Variants in NPSR1 observed in about 807,000 individuals in gnomAD.
NPSR1 encodes neuropeptide S receptor.
NPSR1 carries 48 observed loss-of-function variants against 46.9 expected under a neutral mutation model. That is an observed-to-expected ratio of 1.02 (90% CI 0.81 to 1.30). The LOEUF (loss-of-function observed/expected upper bound fraction) is 1.30, where lower values mean the gene tolerates loss of function less well. Ranked by LOEUF, NPSR1 falls within the 50% of genes most tolerant of loss-of-function variation. NPSR1 has a pLI of 0.00. For synonymous variants in NPSR1, 176 were observed against 168.1 expected, an observed-to-expected ratio of 1.05 and a Z score of -0.36; for missense variants, 450 against 449.5, an observed-to-expected ratio of 1.00 and a Z score of -0.01.
intron 1 of NPSR1, among the ~76,000 whole-genome samples, chr7:34,664,621 A>ATTTTTTT (rs1554302146): frequency 6.0e-5 from 5 of 83,788 alleles, no homozygotes; most frequent in African/African-American, 3.7e-4. Context: ...TTTTTTAAAA[A>ATTTTTTT]AAAAAAATGA....
At chr7:34,674,660 A>G (rs544424516) in intron 1 of NPSR1, among the ~76,000 whole-genome samples, 1 of 152,346 alleles carries the variant, frequency 6.6e-6, no homozygotes, top group South Asian at 2.1e-4. Context: ...CATCTTCAAC[A>G]TCACATACAT....
Position 34,795,799 on chromosome 7 carries a change from T to C in NPSR1, c.385-15971T>C, listed in dbSNP as rs1002624837. ...TTATTCCATGTATACATAGGAAGAT[T>C]CAATATTGTCAAGGTGTCAGATCTT... On this transcript the variant is annotated intron_variant, in intron 3 of 8. Coordinates refer to ENST00000360581, the MANE Select transcript of NPSR1 (RefSeq NM_207172.2). Among the ~76,000 whole-genome samples, 7 of 152,094 alleles carry C rather than the reference T, an allele frequency of 4.6e-5. No homozygotes were observed. In the East Asian group the frequency reaches 9.6e-4, roughly 21 times the overall value.
chr7:34,872,907 T>C (rs762573055), intron 8 of NPSR1, among the ~76,000 whole-genome samples: 5 of 151,482 alleles, frequency 3.3e-5, no homozygotes, highest in Non-Finnish European at 7.4e-5. Flanking sequence ...ATGCTGTGCT[T>C]CCCTTTTAAA....
At chr7:34,703,248 G>C (rs1388542602) in intron 2 of NPSR1, among the ~76,000 whole-genome samples, 1 of 152,188 alleles carries the variant, frequency 6.6e-6, no homozygotes, top group African/African-American at 2.4e-5. Context: ...GCAGGCGCCT[G>C]TAGTCCCAGC....
At chr7:34,707,431 A>G (rs559325567) in intron 2 of NPSR1, among the ~76,000 whole-genome samples, 1 of 152,200 alleles carries the variant, frequency 6.6e-6, no homozygotes, top group Non-Finnish European at 1.5e-5. Flanking sequence ...AAAATAGACT[A>G]TAGTAACAAG....
chr7:34,771,652 A>G (rs1236003315), intron 2 of NPSR1, among the ~76,000 whole-genome samples: 1 of 152,214 alleles, frequency 6.6e-6, no homozygotes, highest in African/African-American at 2.4e-5. Context: ...CACAACATCA[A>G]TCTAAAAAGA....
At chr7:34,708,954 AG>A (rs1794247520) in intron 2 of NPSR1, among the ~76,000 whole-genome samples, 1 of 152,062 alleles carries the variant, frequency 6.6e-6, no homozygotes, top group South Asian at 2.1e-4. Flanking sequence ...ATTTTCTAGG[AG>A]AGGATAATGA....
At chr7:34,833,851 CA>C (rs1445830699) in intron 5 of NPSR1, among the ~76,000 whole-genome samples, 1 of 152,134 alleles carries the variant, frequency 6.6e-6, no homozygotes, top group African/African-American at 2.4e-5. Context: ...TCAAAGCCAG[CA>C]ATGCATAGAG....
chr7:34,720,338 G>A (rs1364271298), intron 2 of NPSR1, among the ~76,000 whole-genome samples: 2 of 151,888 alleles, frequency 1.3e-5, no homozygotes, highest in African/African-American at 4.8e-5. Context: ...TGTGTGTCAG[G>A]ATCTGGCCCA....
chr7:34,679,662 C>T (rs1792514398), intron 1 of NPSR1, among the ~76,000 whole-genome samples: 1 of 151,838 alleles, frequency 6.6e-6, no homozygotes, highest in Non-Finnish European at 1.5e-5. Context: ...TTCCAAGAAC[C>T]TATTGATGAT....
At chr7:34,802,768 A>T (rs892202609) in intron 3 of NPSR1, among the ~76,000 whole-genome samples, 1 of 150,498 alleles carries the variant, frequency 6.6e-6, no homozygotes, top group Non-Finnish European at 1.5e-5. Flanking sequence ...CTACCATCAG[A>T]GTGAACAGGC....
intron 4 of NPSR1, among the ~76,000 whole-genome samples, chr7:34,824,492 C>A (rs1789729855): frequency 6.6e-6 from 1 of 152,168 alleles, no homozygotes; most frequent in Non-Finnish European, 1.5e-5. Flanking sequence ...CATCAGTCTC[C>A]CTGCTGTGGC....
At chr7:34,747,640 G>A (rs1379786673) in intron 2 of NPSR1, among the ~76,000 whole-genome samples, 2 of 151,810 alleles carry the variant, frequency 1.3e-5, no homozygotes, top group Non-Finnish European at 2.9e-5. Flanking sequence ...ACACACACAC[G>A]TGCACGAGCA....
chr7:34,855,550 A>G (rs62464175), intron 8 of NPSR1, among the ~76,000 whole-genome samples: 3,409 of 152,276 alleles, frequency 0.022, 58 homozygotes, highest in Middle Eastern at 0.044. Flanking sequence ...GAATAGTAGC[A>G]TAACTGCTAA....
At chr7:34,781,012 A>C (rs1359864802) in intron 3 of NPSR1, among the ~76,000 whole-genome samples, 6 of 152,176 alleles carry the variant, frequency 3.9e-5, no homozygotes, top group Non-Finnish European at 8.8e-5. Flanking sequence ...TCCATAGGGG[A>C]TTTGAAAATC....
intron 2 of NPSR1, among the ~76,000 whole-genome samples, chr7:34,725,110 CACACACACACACACAG>C (rs1239892709): frequency 1.3e-5 from 2 of 151,280 alleles, no homozygotes; most frequent in East Asian, 3.9e-4. Context: ...CACACACACA[CACACACACACACACAG>C]ACACACACAC....
At chr7:34,842,875 C>T (rs548454791) in intron 6 of NPSR1, among the ~76,000 whole-genome samples, 2 of 152,318 alleles carry the variant, frequency 1.3e-5, no homozygotes, top group South Asian at 4.1e-4. Context: ...CCCCAGTTTG[C>T]CTTCAGTTCT....
chr7:34,715,994 T>C (rs1255424363), intron 2 of NPSR1, among the ~76,000 whole-genome samples: 1 of 152,096 alleles, frequency 6.6e-6, no homozygotes, highest in East Asian at 1.9e-4. Flanking sequence ...TTGGTTAAAT[T>C]CAAAGAAGGA....
At chr7:34,703,249 T>C (rs1008919883) in intron 2 of NPSR1, among the ~76,000 whole-genome samples, 3 of 152,150 alleles carry the variant, frequency 2.0e-5, no homozygotes, top group African/African-American at 7.2e-5. Flanking sequence ...CAGGCGCCTG[T>C]AGTCCCAGCT....
Sources: gnomAD v4.1 joint callset for allele counts (sites outside exome capture counted in the v4.1 genomes callset) on GRCh38, gnomAD v4.1.1 for gene constraint, MANE v1.5 for transcripts, NCBI Gene and HGNC (gene_info 2026-07-23, HGNC 2026-07-21) for gene names.